Variants in GATAD2A observed in about 807,000 individuals in gnomAD.
GATAD2A encodes the protein transcriptional repressor p66-alpha.
GATAD2A carries 12 observed loss-of-function variants against 68.5 expected under a neutral mutation model. That is an observed-to-expected ratio of 0.18 (90% CI 0.11 to 0.28). The LOEUF is 0.28. Among genes scored for constraint, GATAD2A ranks in the 10% least tolerant of loss-of-function variants. GATAD2A has a pLI of 1.00. For synonymous variants in GATAD2A, 410 were observed against 375.3 expected (o/e 1.09, Z -1.07); for missense variants, 755 against 868.5 (o/e 0.87, Z 1.64).
intron 1 of GATAD2A, among the ~76,000 whole-genome samples, chr19:19,399,546 A>C (rs2146943123): frequency 6.6e-6 from 1 of 152,198 alleles, no homozygotes; most frequent in Middle Eastern, 3.4e-3. Flanking sequence ...TAACCTCTCA[A>C]ATTGTCTCTA....
chr19:19,468,566 G>GA (rs1397784315), intron 2 of GATAD2A, among the ~76,000 whole-genome samples: 8 of 152,228 alleles, frequency 5.3e-5, no homozygotes, highest in African/African-American at 1.7e-4. Flanking sequence ...AGTAGCAAAA[G>GA]AAAAACAACT....
At chr19:19,500,222 T>G (rs1190432263) in intron 8 of GATAD2A, among the ~76,000 whole-genome samples, 1 of 152,176 alleles carries the variant, frequency 6.6e-6, no homozygotes, top group Non-Finnish European at 1.5e-5. Context: ...CTGGCGCCGC[T>G]CACGCTGGCC....
rs561329842 is a variant in GATAD2A, at chr19:19,498,899, G to A, written c.1204+177G>A. Among the ~76,000 whole-genome samples, 8 of 152,370 alleles carry A rather than the reference G, an allele frequency of 5.3e-5. No individual in the cohort carries two copies. The East Asian group carries it at 9.7e-4, about 18-fold the overall frequency. ...CTGTGGAGTCTGGACACTGTCCTCC[G>A]GTTGGGGCCTCTGAGAGCCAGGCCC... is the stretch of plus-strand genomic sequence containing the variant. On this transcript the variant is annotated intron_variant, in intron 8 of 11. Coordinates refer to ENST00000683918, the MANE Select transcript of GATAD2A (RefSeq NM_001384528.1).
At chr19:19,481,178 C>T (rs1013017239) in intron 2 of GATAD2A, among the ~76,000 whole-genome samples, 4 of 152,128 alleles carry the variant, frequency 2.6e-5, no homozygotes, top group East Asian at 1.9e-4. Context: ...AGGGGTGCTG[C>T]GATCAGTGGC....
chr19:19,406,431 T>C (rs1263006451), intron 1 of GATAD2A, among the ~76,000 whole-genome samples: 1 of 143,650 alleles, frequency 7.0e-6, no homozygotes, highest in Non-Finnish European at 1.5e-5. Flanking sequence ...CGGGGCGGGT[T>C]GGGCAGCAAC....
chr19:19,477,154 G>GAGTTA (rs1291315129), intron 2 of GATAD2A, among the ~76,000 whole-genome samples: 1 of 152,140 alleles, frequency 6.6e-6, no homozygotes, highest in Non-Finnish European at 1.5e-5. Flanking sequence ...TGGAAACACT[G>GAGTTA]AGTTACCTGT....
chr19:19,443,569 G>A (rs1318718917), intron 1 of GATAD2A, among the ~76,000 whole-genome samples: 1 of 152,160 alleles, frequency 6.6e-6, no homozygotes, highest in Non-Finnish European at 1.5e-5. Flanking sequence ...CATAGGATTT[G>A]CTTCGTGGAA....
At chr19:19,497,606 G>A (rs2060236974) in intron 7 of GATAD2A, among the ~76,000 whole-genome samples, 1 of 152,130 alleles carries the variant, frequency 6.6e-6, no homozygotes, top group Admixed American at 6.5e-5. Context: ...CCGGTCTCTG[G>A]GAACCTTTCT....
intron 1 of GATAD2A, among the ~76,000 whole-genome samples, chr19:19,391,922 C>T (rs1009746755): frequency 2.0e-5 from 3 of 151,994 alleles, no homozygotes; most frequent in Admixed American, 6.6e-5. Context: ...ATAAGCTGAC[C>T]TCTTTTGGAA....
chr19:19,507,027 C>G lies in GATAD2A; in HGVS notation c.*1553C>G, dbSNP rs1343893238. ...TCAGTCTGTAGGAAACTTTTTTTGACACAGCATAGAAGACCTAGTTTTGGA... is the reference window on the plus strand; with the variant it reads ...TCAGTCTGTAGGAAACTTTTTTTGAGACAGCATAGAAGACCTAGTTTTGGA... On this transcript the variant is annotated 3_prime_UTR_variant, in exon 12 of 12. Coordinates refer to ENST00000683918, the MANE Select transcript of GATAD2A (RefSeq NM_001384528.1). The G allele has an allele frequency of 1.3e-5, 2 of 152,112 alleles. No homozygotes were observed. The highest frequency in any genetic ancestry group is 4.8e-5 in the African/African-American group (2 of 41,386). The allele number at this position is 152,112 out of a possible 1,614,324, so 9.4% of individuals were successfully genotyped here.
intron 6 of GATAD2A, 69 bp from the exon 7 acceptor site, chr19:19,495,983 G>A (rs1419692104): frequency 6.3e-7 from 1 of 1,581,912 alleles, no homozygotes; most frequent in Non-Finnish European, 8.7e-7. Flanking sequence ...AAGGTGCCCT[G>A]TGCCTTCCGG....
intron 1 of GATAD2A, among the ~76,000 whole-genome samples, chr19:19,426,760 C>T (rs1020791445): frequency 3.9e-5 from 6 of 152,202 alleles, no homozygotes; most frequent in Admixed American, 6.5e-5. Context: ...GCGATCCACC[C>T]GCCTCAACCT....
At position 19,431,530 on chromosome 19, in the gene GATAD2A, A is replaced by G. The variant is rs138902879; in HGVS notation, c.-7+25511A>G. Among the ~76,000 whole-genome samples the G allele has an allele frequency of 9.1e-4, 138 of 151,222 alleles. 1 individual carries two copies. Among genetic ancestry groups the G allele is most frequent in the African/African-American group, 3.1e-3 (127 of 41,196 alleles). On this transcript the variant is annotated intron_variant, in intron 1 of 11. Transcript: ENST00000683918. Reference sequence around the variant, plus strand: ...CCAGTATGGTGAAACCCCGTCTCTAATAAAAATATAAAAATTAGCTGGGCG... The same window carrying G: ...CCAGTATGGTGAAACCCCGTCTCTAGTAAAAATATAAAAATTAGCTGGGCG...
rs762164778 is a variant in GATAD2A at position 19,505,511 on chromosome 19, C to G, written c.*37C>G. ...CCCCGTGGAAGACGGGCTCCCTCCT[C>G]CCCCACCTGGCCCCTGGTCTAGAAG... On this transcript the variant is annotated 3_prime_UTR_variant, in exon 12 of 12. Coordinates refer to ENST00000683918, the MANE Select transcript of GATAD2A (RefSeq NM_001384528.1). 2 of 1,539,326 alleles carry G rather than the reference C, an allele frequency of 1.3e-6. No individual in the cohort carries two copies. Among genetic ancestry groups the G allele is most frequent in the Admixed American group, 2.0e-5 (1 of 50,754 alleles).
intron 1 of GATAD2A, among the ~76,000 whole-genome samples, chr19:19,390,580 T>C (rs2048773753): frequency 6.6e-6 from 1 of 152,192 alleles, no homozygotes; most frequent in Non-Finnish European, 1.5e-5. Context: ...TCTCTTGGCC[T>C]TGGTGTCTCC....
chr19:19,422,702 T>C (rs1251601163), intron 1 of GATAD2A, among the ~76,000 whole-genome samples: 1 of 150,666 alleles, frequency 6.6e-6, no homozygotes, highest in African/African-American at 2.5e-5. Context: ...TTCTCTATTC[T>C]TTTTGTTTTT....
chr19:19,505,691 A>T lies in GATAD2A; in HGVS notation c.*217A>T. The T allele has an allele frequency of 4.2e-6, 2 of 479,596 alleles. No homozygotes were observed. Among genetic ancestry groups the T allele is most frequent in the South Asian group, 7.5e-5 (2 of 26,798 alleles). The allele number at this position is 479,596 out of a possible 1,614,324, so 29.7% of individuals were successfully genotyped here. A position where few individuals can be genotyped will look rare whatever the true frequency, so the allele number is the denominator to read the frequency against. On this transcript the variant is annotated 3_prime_UTR_variant, in exon 12 of 12. Transcript: ENST00000683918. ...GCCGCCTCATAGGCAGACGAGGATC[A>T]TCGCTGGGGGACCTTTCCCGTGGGC...
chr19:19,481,179 G>A (rs1046111576), intron 2 of GATAD2A, among the ~76,000 whole-genome samples: 6 of 152,154 alleles, frequency 3.9e-5, no homozygotes, highest in Admixed American at 1.3e-4. Context: ...GGGGTGCTGC[G>A]ATCAGTGGCC....
chr19:19,467,713 A>G lies in GATAD2A; in HGVS notation c.269+2099A>G, dbSNP rs552692868. 2.6e-5 allele frequency among the ~76,000 whole-genome samples: 4 copies of G among 152,308 alleles called. No individual in the cohort carries two copies. The South Asian group carries it at 8.3e-4, about 32-fold the overall frequency. The stretch of plus-strand genomic sequence containing the variant: ...TTATGACCGAATCTGGGCATATTGA[A>G]AGCTAGAGGCAGTTTCTGATGGCTT... On this transcript the variant is annotated intron_variant, in intron 2 of 11. Coordinates refer to ENST00000683918, the MANE Select transcript of GATAD2A (RefSeq NM_001384528.1).
Sources: gnomAD v4.1 joint callset for allele counts (sites outside exome capture counted in the v4.1 genomes callset) on GRCh38, gnomAD v4.1.1 for gene constraint, MANE v1.5 for transcripts, NCBI Gene and HGNC (gene_info 2026-07-23, HGNC 2026-07-21) for gene names.